The following HOXD3 variants were observed in gnomAD, a reference collection of about 807,000 sequenced individuals.
HOXD3 encodes homeobox protein Hox-D3.
In HOXD3, 13 loss-of-function variants were observed where a neutral mutation model predicts 32.8. That is an observed-to-expected ratio of 0.40 (90% CI 0.26 to 0.63). The LOEUF is 0.63. Ranked by LOEUF, HOXD3 falls within the 20% of genes least tolerant of loss-of-function variation. The pLI, the probability that HOXD3 is intolerant of heterozygous loss-of-function variation, is 0.44. For synonymous variants in HOXD3, 241 were observed against 246.8 expected, an observed-to-expected ratio of 0.98 and a Z score of 0.22; for missense variants, 504 against 577.1, an observed-to-expected ratio of 0.87 and a Z score of 1.30.
intron 2 of HOXD3, chr2:176,165,414 C>A (rs1690934136): frequency 6.6e-6 from 1 of 152,376 alleles, no homozygotes; most frequent in African/African-American, 2.4e-5. Context: ...GCAGCGGTTG[C>A]GGCGGGCCGG....
In HOXD3 at chr2:176,169,124, G is replaced by A; in HGVS notation, c.10G>A (p.Glu4Lys). 1 of 1,608,362 alleles carries A rather than the reference G, an allele frequency of 6.2e-7. No individual in the cohort carries two copies. The highest frequency in any genetic ancestry group is 1.7e-5 in the Admixed American group (1 of 59,742). The part of the protein sequence containing the change: MLF[E>K]QGQQALELPE... ...GATACAGTGGTAGTCAATGTTATTT[G>A]AGCAGGGTCAGCAGGCCCTGGAGCT... The change falls in exon 3 of 4, where the codon GAG (glutamate) becomes AAG (lysine). Residue 4 changes from glutamate to lysine, a missense_variant. Glu to Lys is a moderately conservative substitution (Grantham distance 56). Transcript: ENST00000683222.
chr2:176,152,644 C>G (rs1190037089), upstream of HOXD3: 5 of 1,613,986 alleles, frequency 3.1e-6, no homozygotes, highest in African/African-American at 1.3e-5. This position sits in a 1 kb window ranked among gnomAD's most constrained non-coding sequence, Gnocchi z 5.2. Flanking sequence ...CCCAAGCGGT[C>G]CCGAACGGCC....
intron 2 of HOXD3, among the ~76,000 whole-genome samples, chr2:176,167,850 G>A (rs1178411890): frequency 6.6e-6 from 1 of 152,078 alleles, no homozygotes; most frequent in East Asian, 1.9e-4. Flanking sequence ...ACTACATGCA[G>A]GGCACTGTGC....
At chr2:176,166,424 G>C (rs112135147) in intron 2 of HOXD3, among the ~76,000 whole-genome samples, 1 of 152,182 alleles carries the variant, frequency 6.6e-6, no homozygotes, top group African/African-American at 2.4e-5. Context: ...GCAAGTTCTG[G>C]TAGTCTGAGT....
Position 176,172,528 on chromosome 2 carries a change from G to C in HOXD3, c.*254G>C, listed in dbSNP as rs994746095. ...AAATTTGACAGTGCCACATACTGCG[G>C]ACCAAGGGACTCCAATCTGGTAATG... is the stretch of plus-strand genomic sequence containing the variant. On this transcript the variant is annotated 3_prime_UTR_variant, in exon 4 of 4. Transcript: ENST00000683222. 9 of 515,522 alleles carry C rather than the reference G, an allele frequency of 1.7e-5. 1 individual carries two copies. The highest frequency in any genetic ancestry group is 1.5e-4 in the African/African-American group (8 of 52,114). The allele number at this position is 515,522 out of a possible 1,614,324, so 31.9% of individuals were successfully genotyped here. A position where few individuals can be genotyped will look rare whatever the true frequency, so the allele number is the denominator to read the frequency against.
At chr2:176,156,486 A>G (rs905437507), upstream of HOXD3, among the ~76,000 whole-genome samples, 1 of 152,130 alleles carries the variant, frequency 6.6e-6, no homozygotes, top group African/African-American at 2.4e-5. Context: ...GAGACACCTT[A>G]CTGGTCCCCC....
chr2:176,172,095 T>A lies in HOXD3; in HGVS notation c.1120T>A (p.Phe374Ile). Residue 374 changes from phenylalanine to isoleucine, a missense_variant, in exon 4 of 4, where the codon TTC becomes ATC. Coordinates refer to ENST00000683222, the MANE Select transcript of HOXD3 (RefSeq NM_006898.5). ...CATGGCGCCCGCGTCCGGGCCTGTC[T>A]TCAACCTGGGCCACCTCTCGCACCC... ...ESMAPASGPVFNLGHLSHPSS... is the reference protein window; with the variant it reads ...ESMAPASGPVINLGHLSHPSS... 1 of 1,612,426 alleles carries A rather than the reference T, an allele frequency of 6.2e-7. No individual in the cohort carries two copies. Among genetic ancestry groups the A allele is most frequent in the Non-Finnish European group, 8.5e-7 (1 of 1,179,898 alleles).
intron 3 of HOXD3, among the ~76,000 whole-genome samples, chr2:176,170,504 A>C (rs192467788): frequency 6.6e-6 from 1 of 152,186 alleles, no homozygotes; most frequent in East Asian, 1.9e-4. Context: ...CTCTGCTTAG[A>C]CTGCTTGGTT....
chr2:176,160,154 G>A (rs746122652), intron 1 of HOXD3, among the ~76,000 whole-genome samples: 1 of 152,204 alleles, frequency 6.6e-6, no homozygotes, highest in East Asian at 1.9e-4. Context: ...CCTGGGAGGA[G>A]CTGGGCGTCG....
At chr2:176,159,112 C>T (rs1422262532) in intron 1 of HOXD3, among the ~76,000 whole-genome samples, 2 of 152,166 alleles carry the variant, frequency 1.3e-5, no homozygotes, top group African/African-American at 4.8e-5. Flanking sequence ...TTGAAGAAGG[C>T]TTAGATCCTT....
At position 176,172,572 on chromosome 2, in the gene HOXD3, T is replaced by A; in HGVS notation, c.*298T>A. 2.5e-6 allele frequency: 1 copy of A among 403,708 alleles called. No homozygotes were observed. The highest frequency in any genetic ancestry group is 4.4e-6 in the Non-Finnish European group (1 of 226,070). The allele number at this position is 403,708 out of a possible 1,614,324, so 25.0% of individuals were successfully genotyped here. A position where few individuals can be genotyped will look rare whatever the true frequency, so the allele number is the denominator to read the frequency against. ...GGTAATGGTGTCCCAAAGGTAAGTCTGAGACCCATCAGCGGCGCGCCCTGC... is the reference window on the plus strand; with the variant it reads ...GGTAATGGTGTCCCAAAGGTAAGTCAGAGACCCATCAGCGGCGCGCCCTGC... On this transcript the variant is annotated 3_prime_UTR_variant, in exon 4 of 4. Transcript: ENST00000683222.
At chr2:176,158,279 G>C (rs568034704) in intron 1 of HOXD3, among the ~76,000 whole-genome samples, 1 of 152,246 alleles carries the variant, frequency 6.6e-6, no homozygotes. Context: ...GGAGAGGCCA[G>C]TGCGGGCTGC....
At chr2:176,158,154 G>T (rs1690689605) in intron 1 of HOXD3, among the ~76,000 whole-genome samples, 1 of 152,086 alleles carries the variant, frequency 6.6e-6, no homozygotes, top group Admixed American at 6.6e-5. Context: ...GTTTATTTTT[G>T]TGTTTGTATT....
chr2:176,168,372 A>C (rs1691056678), intron 2 of HOXD3, among the ~76,000 whole-genome samples: 1 of 152,034 alleles, frequency 6.6e-6, no homozygotes, highest in African/African-American at 2.4e-5. Flanking sequence ...TTCAAGACCA[A>C]CCTGACCAAC....
chr2:176,163,113 G>A (rs1418103651), intron 1 of HOXD3, among the ~76,000 whole-genome samples: 1 of 152,172 alleles, frequency 6.6e-6, no homozygotes, highest in Non-Finnish European at 1.5e-5. Flanking sequence ...CTACCGGGCT[G>A]GGATCTCTTC....
At chr2:176,169,907 T>A (rs1308272776) in intron 3 of HOXD3, among the ~76,000 whole-genome samples, 4 of 152,148 alleles carry the variant, frequency 2.6e-5, no homozygotes, top group Non-Finnish European at 4.4e-5. Flanking sequence ...CTTCCTTATA[T>A]GGGCATATCT....
chr2:176,170,473 ACT>A (rs992239366), intron 3 of HOXD3, among the ~76,000 whole-genome samples: 1 of 151,978 alleles, frequency 6.6e-6, no homozygotes, highest in Non-Finnish European at 1.5e-5. Flanking sequence ...ATGGCCAGGA[ACT>A]CTGAGGGCTG....
At chr2:176,156,038 T>C (rs1285856944), upstream of HOXD3, among the ~76,000 whole-genome samples, 2 of 152,268 alleles carry the variant, frequency 1.3e-5, no homozygotes, top group Admixed American at 1.3e-4. Context: ...ATGTAATTCA[T>C]TGATCTATAT....
At chr2:176,153,247 T>G, upstream of HOXD3, 1 of 413,324 alleles carries the variant, frequency 2.4e-6, no homozygotes, top group Non-Finnish European at 4.4e-6. Context: ...ATTTTGAATT[T>G]GCAAATGAAG....
Sources: gnomAD v4.1 joint callset for allele counts (sites outside exome capture counted in the v4.1 genomes callset) on GRCh38, gnomAD v4.1.1 for gene constraint, Gnocchi (gnomAD v3.1) non-coding constraint, MANE v1.5 for transcripts, NCBI Gene and HGNC (gene_info 2026-07-23, HGNC 2026-07-21) for gene names.